UTRN: variants seen among roughly 807,000 people sequenced by gnomAD.
UTRN encodes utrophin, also known as dystrophin-related protein 1.
Under a neutral mutation model 463.9 loss-of-function variants are expected in UTRN, and 283 were observed. The observed-to-expected ratio is 0.61, with a 90% confidence interval of 0.55 to 0.67. UTRN has a LOEUF of 0.67. UTRN is among the 30% of genes least tolerant of loss of function. The probability of loss-of-function intolerance (pLI) is 0.00; values close to 1 mark genes in which losing one functional copy is unlikely to be tolerated. For missense variants in UTRN, 3,922 were observed against 4,084.3 expected (o/e 0.96, Z 1.08); for synonymous variants, 1,442 against 1,431.5 (o/e 1.01, Z -0.17).
chr6:144,521,684 G>A (rs1796104048), intron 39 of UTRN, among the ~76,000 whole-genome samples: 1 of 151,994 alleles, frequency 6.6e-6, no homozygotes, highest in South Asian at 2.1e-4. Context: ...ACTCAAGAAA[G>A]GAATTGTTGT....
chr6:144,392,149 A>G (rs921488278), intron 2 of UTRN, among the ~76,000 whole-genome samples: 4 of 152,250 alleles, frequency 2.6e-5, no homozygotes, highest in East Asian at 1.9e-4. Flanking sequence ...AATATTGAGT[A>G]TATGTTGAAA....
intron 2 of UTRN, among the ~76,000 whole-genome samples, chr6:144,391,848 G>C (rs1474133379): frequency 6.6e-6 from 1 of 152,218 alleles, no homozygotes; most frequent in Non-Finnish European, 1.5e-5. Context: ...TCACCTGTTA[G>C]CCATGATGGT....
At chr6:144,419,973 GACACACAC>G (rs60093118) in intron 3 of UTRN, among the ~76,000 whole-genome samples, 1 of 147,910 alleles carries the variant, frequency 6.8e-6, no homozygotes, top group African/African-American at 2.5e-5. Context: ...CACAGACACA[GACACACAC>G]ACACACACAC....
In UTRN at chr6:144,539,387, C is replaced by T; in HGVS notation, c.6463C>T (p.Pro2155Ser). The T allele has an allele frequency of 1.2e-6, 2 of 1,613,094 alleles. No individual in the cohort carries two copies. Among genetic ancestry groups the T allele is most frequent in the Non-Finnish European group, 1.7e-6 (2 of 1,179,552 alleles). The change falls in exon 45 of 75, where the codon CCT becomes TCT. Residue 2155 changes from proline to serine, a missense_variant. By Grantham distance (74) the Pro-to-Ser change is moderately conservative. This residue lies in a region of UTRN where 2,349 missense variants were observed against 2,303.8 expected (regional missense o/e 1.02). Transcript: ENST00000367545. ...EMLSDKSLSL[P>S]ERDKISESLR... Reference sequence around the variant, plus strand: ...GCTTTCAGATAAAAGTCTGAGTTTACCTGAAAGGGATAAAATTTCAGAAAG... The same window carrying T: ...GCTTTCAGATAAAAGTCTGAGTTTATCTGAAAGGGATAAAATTTCAGAAAG...
chr6:144,529,821 A>G (rs1276828781), intron 41 of UTRN, among the ~76,000 whole-genome samples: 2 of 152,090 alleles, frequency 1.3e-5, no homozygotes, highest in Non-Finnish European at 2.9e-5. Context: ...TATTGTTAAG[A>G]TCTCAGAGAT....
chr6:144,744,297 G>T (rs2128720640), intron 54 of UTRN, among the ~76,000 whole-genome samples: 1 of 134,620 alleles, frequency 7.4e-6, no homozygotes, highest in African/African-American at 2.9e-5. Flanking sequence ...AAAAAAAAAT[G>T]GTGTATACAT....
At chr6:144,684,307 C>A (rs1782520790) in intron 52 of UTRN, among the ~76,000 whole-genome samples, 2 of 152,194 alleles carry the variant, frequency 1.3e-5, no homozygotes, top group South Asian at 4.1e-4. Context: ...GCCTTGGCCT[C>A]CCAAACTGCT....
chr6:144,360,069 TCCCTTCCCTTCCCTTCCCTTCCCTC>T lies in UTRN; in HGVS notation c.80-43049_80-43025del, dbSNP rs1312221791. Among the ~76,000 whole-genome samples, 14 of 96,036 alleles carry T rather than the reference TCCCTTCCCTTCCCTTCCCTTCCCTC, an allele frequency of 1.5e-4. 1 individual carries two copies. Among genetic ancestry groups the T allele is most frequent in the East Asian group, 1.3e-3 (4 of 3,116 alleles). 63.0% of individuals were successfully genotyped at this position (96,036 alleles called of 152,430 possible). ...TCCCTTCCCTTCCCTTCCCTTCCCT[TCCCTTCCCTTCCCTTCCCTTCCCTC>T]CCCTCCCCTCCCCTCCCCCCTTCCT... On this transcript the variant is annotated intron_variant, in intron 2 of 74. Transcript: ENST00000367545.
chr6:144,352,168 C>G (rs1169107133), intron 2 of UTRN, among the ~76,000 whole-genome samples: 1 of 152,034 alleles, frequency 6.6e-6, no homozygotes, highest in Non-Finnish European at 1.5e-5. Context: ...TAACTCTAAC[C>G]CACCCATGCA....
At chr6:144,530,819 G>A (rs947741756) in intron 41 of UTRN, among the ~76,000 whole-genome samples, 2 of 151,918 alleles carry the variant, frequency 1.3e-5, no homozygotes, top group African/African-American at 4.8e-5. Context: ...AGAGGATTTG[G>A]TAGCTGGTGG....
In UTRN at chr6:144,423,902, A is replaced by G. The variant is rs950728230; in HGVS notation, c.313-84A>G. ...ATCTCTCACTTATACTGCTGTCCAAATGTGCTAAAATAAAAACCTGGAGTT... is the reference window on the plus strand; with the variant it reads ...ATCTCTCACTTATACTGCTGTCCAAGTGTGCTAAAATAAAAACCTGGAGTT... On this transcript the variant is annotated intron_variant, in intron 5 of 74. Transcript: ENST00000367545. 5.1e-6 allele frequency: 7 copies of G among 1,375,736 alleles called. No homozygotes were observed. The African/African-American group carries it at 8.7e-5, about 17-fold the overall frequency. 85.2% of individuals were successfully genotyped at this position (1,375,736 alleles called of 1,614,324 possible).
chr6:144,752,882 T>C (rs542687259), intron 56 of UTRN, among the ~76,000 whole-genome samples: 6 of 152,330 alleles, frequency 3.9e-5, no homozygotes, highest in East Asian at 1.9e-4. Context: ...AAAGAAGATA[T>C]GTATTCTGTC....
intron 60 of UTRN, among the ~76,000 whole-genome samples, chr6:144,778,477 C>T (rs1324455072): frequency 2.0e-5 from 3 of 151,878 alleles, no homozygotes; most frequent in Non-Finnish European, 4.4e-5. Context: ...GAATCTGGAG[C>T]CATCCAAAGA....
chr6:144,654,898 TC>T (rs1376658335), intron 51 of UTRN, among the ~76,000 whole-genome samples: 1 of 152,204 alleles, frequency 6.6e-6, no homozygotes, highest in African/African-American at 2.4e-5. Flanking sequence ...GTATTTCTCT[TC>T]CTGAACCCCT....
chr6:144,610,331 T>C, intron 51 of UTRN, among the ~76,000 whole-genome samples: 1 of 151,790 alleles, frequency 6.6e-6, no homozygotes. Context: ...AAGAAATGAA[T>C]AAATTTCTAG....
chr6:144,636,959 A>G (rs533090857), intron 51 of UTRN, among the ~76,000 whole-genome samples: 1 of 151,582 alleles, frequency 6.6e-6, no homozygotes. Flanking sequence ...TTCTTTCTTG[A>G]TTTTTGTTTG....
intron 14 of UTRN, among the ~76,000 whole-genome samples, chr6:144,445,854 T>A (rs1344485619): frequency 6.6e-6 from 1 of 151,932 alleles, no homozygotes; most frequent in Non-Finnish European, 1.5e-5. Context: ...TGTTGAAACC[T>A]GTCTCTACTA....
rs374803348 is a variant in UTRN at position 144,734,871 on chromosome 6, AG to A, written c.7939+4390del. 5.1e-3 allele frequency among the ~76,000 whole-genome samples: 777 copies of A among 152,296 alleles called. 12 individuals carry two copies. The highest frequency in any genetic ancestry group is 0.018 in the African/African-American group (735 of 41,564). ...TATAATGGCTCACAGACTGTATGCCAGGGGGTGCCATGTTACATTTCTGACC... is the reference window on the plus strand; with the variant it reads ...TATAATGGCTCACAGACTGTATGCCAGGGGTGCCATGTTACATTTCTGACC... On this transcript the variant is annotated intron_variant, in intron 54 of 74. Coordinates refer to ENST00000367545, the MANE Select transcript of UTRN (RefSeq NM_007124.3).
Position 144,585,640 on chromosome 6 carries a change from A to G in UTRN, c.7479+8352A>G, listed in dbSNP as rs376555315. Among the ~76,000 whole-genome samples the G allele has an allele frequency of 2.4e-3, 358 of 152,228 alleles. 2 individuals carry two copies. Among genetic ancestry groups the G allele is most frequent in the African/African-American group, 8.5e-3 (354 of 41,530 alleles). The stretch of plus-strand genomic sequence containing the variant: ...TTAACAGTTGCCATCTCAAATATTG[A>G]TAGAGGTAGCTATACCAACCAAAAA... On this transcript the variant is annotated intron_variant, in intron 51 of 74. Transcript: ENST00000367545.
Sources: allele counts gnomAD v4.1 joint callset (sites outside exome capture counted in the v4.1 genomes callset), GRCh38; gene constraint gnomAD v4.1.1; regional missense constraint gnomAD v4.1.1; transcripts MANE v1.5; gene names NCBI Gene and HGNC (gene_info 2026-07-23, HGNC 2026-07-21).